LYZL6: variants seen among roughly 807,000 people sequenced by gnomAD.
LYZL6 encodes lysozyme-like protein 6.
LYZL6 carries 21 observed loss-of-function variants against 15.0 expected under a neutral mutation model. The ratio of observed to expected loss-of-function variants is 1.40; its 90% CI spans 1.00 to 2.02. The LOEUF (loss-of-function observed/expected upper bound fraction) is 2.02. LYZL6 is among the 30% of genes most tolerant of loss of function. LYZL6 has a pLI of 0.00. For missense variants in LYZL6, 173 were observed against 180.5 expected (o/e 0.96, Z 0.24); for synonymous variants, 72 against 67.8 (o/e 1.06, Z -0.31).
At position 35,934,848 on chromosome 17, in the gene LYZL6, T is replaced by C. The variant is rs2089356364; in HGVS notation, c.395A>G (p.His132Arg). 5 of 1,614,046 alleles carry C rather than the reference T, an allele frequency of 3.1e-6. No homozygotes were observed. Among genetic ancestry groups the C allele is most frequent in the African/African-American group, 2.7e-5 (2 of 74,930 alleles). ...GMNNWVEWRL[H>R]CSGRPLFYWL... ...GTAGAAGAGTGGCCGGCCTGAACAG[T>C]GCAACCTCCATTCTACCCTGCGGAG... The change falls in exon 5 of 5, where the codon CAC becomes CGC. Residue 132 changes from histidine to arginine, a missense_variant. His to Arg is a conservative substitution (Grantham distance 29). Coordinates refer to ENST00000615905, the MANE Select transcript of LYZL6 (RefSeq NM_020426.4).
chr17:35,938,122 C>A (rs923815278), intron 2 of LYZL6, among the ~76,000 whole-genome samples: 3 of 152,170 alleles, frequency 2.0e-5, no homozygotes, highest in Admixed American at 6.5e-5. Flanking sequence ...CTCATCTGTC[C>A]ATCTATTCAT....
At chr17:35,941,617 A>G (rs978114327) in intron 1 of LYZL6, among the ~76,000 whole-genome samples, 1 of 152,220 alleles carries the variant, frequency 6.6e-6, no homozygotes, top group Non-Finnish European at 1.5e-5. Flanking sequence ...TGACAGTAAC[A>G]GATTATACAT....
In LYZL6 at chr17:35,934,784, C is replaced by A. The variant is rs146771787; in HGVS notation, c.*12G>T. 1.6e-3 allele frequency: 2,513 copies of A among 1,613,020 alleles called. 52 individuals carry two copies. The African/African-American group carries it at 0.03, about 19-fold the overall frequency. ...GTCTTGGAATGACTCCACGGTGCAC[C>A]CGCACCCTGTTTCATCTCAGGCGGC... is the stretch of plus-strand genomic sequence containing the variant. On this transcript the variant is annotated 3_prime_UTR_variant, in exon 5 of 5. Transcript: ENST00000615905.
intron 1 of LYZL6, among the ~76,000 whole-genome samples, chr17:35,942,494 C>T (rs1444865792): frequency 1.3e-5 from 2 of 152,120 alleles, no homozygotes; most frequent in East Asian, 1.9e-4. Flanking sequence ...TGTTTCTTCT[C>T]TGGTCTTGTT....
intron 3 of LYZL6, among the ~76,000 whole-genome samples, chr17:35,937,466 T>C (rs1290401909): frequency 6.6e-6 from 1 of 152,256 alleles, no homozygotes; most frequent in Non-Finnish European, 1.5e-5. Flanking sequence ...AAGCCAAGTA[T>C]GTAAAGCACT....
intron 2 of LYZL6, among the ~76,000 whole-genome samples, chr17:35,938,614 T>C (rs1286755585): frequency 7.3e-6 from 1 of 137,504 alleles, no homozygotes; most frequent in Non-Finnish European, 1.6e-5. Context: ...CGAGACTCTG[T>C]CTAAAAAAAA....
rs1173525222 is a variant in LYZL6, at chr17:35,939,324, G to T, written c.33C>A (p.Ser11Arg). Residue 11 changes from serine to arginine, a missense_variant, in exon 2 of 5, where the codon AGC becomes AGA. Ser to Arg is a moderately radical substitution (Grantham distance 110). Transcript: ENST00000615905. ...TGGCCTGATTTAGGGCAAGAAAGCT[G>T]CTGACCAAATAGATGAGTAGCGCCT... is the stretch of plus-strand genomic sequence containing the variant. Reference protein sequence around the residue: MTKALLIYLVSSFLALNQASL... With the variant: MTKALLIYLVRSFLALNQASL... 6.2e-7 allele frequency: 1 copy of T among 1,614,026 alleles called. No homozygotes were observed. Among genetic ancestry groups the T allele is most frequent in the Non-Finnish European group, 8.5e-7 (1 of 1,180,010 alleles).
intron 1 of LYZL6, among the ~76,000 whole-genome samples, chr17:35,943,338 C>T (rs1418913324): frequency 6.6e-6 from 1 of 152,150 alleles, no homozygotes; most frequent in Non-Finnish European, 1.5e-5. Context: ...ATCATTCTAC[C>T]CCCAGAGCTG....
chr17:35,939,016 C>T (rs2089401852), intron 2 of LYZL6, among the ~76,000 whole-genome samples: 1 of 152,200 alleles, frequency 6.6e-6, no homozygotes, highest in Admixed American at 6.5e-5. Context: ...ATCTCTACAG[C>T]CCCAGTGCCT....
At position 35,939,396 on chromosome 17, in the gene LYZL6, T is replaced by C. The variant is rs757490520; in HGVS notation, c.-40A>G. The C allele has an allele frequency of 3.1e-6, 5 of 1,599,628 alleles. No homozygotes were observed. The highest frequency in any genetic ancestry group is 2.7e-5 in the African/African-American group (2 of 74,814). On this transcript the variant is annotated 5_prime_UTR_variant, in exon 2 of 5. Transcript: ENST00000615905. ...AGGTGCAGCTGAGGGCTGATGGTTC[T>C]TAGGGTCTTGCAGACTTTCTGCTGA...
intron 4 of LYZL6, 60 bp from the exon 5 acceptor site, chr17:35,934,925 C>G: frequency 6.5e-7 from 1 of 1,545,126 alleles, no homozygotes; most frequent in Non-Finnish European, 8.9e-7. Context: ...ACACACATGA[C>G]CCAGTTCTTG....
chr17:35,940,963 CCTA>C (rs1279611607), intron 1 of LYZL6, among the ~76,000 whole-genome samples: 1 of 152,168 alleles, frequency 6.6e-6, no homozygotes, highest in Non-Finnish European at 1.5e-5. Flanking sequence ...CATGAATAAT[CCTA>C]CTATGAACAT....
In LYZL6 at chr17:35,934,808, G is replaced by A. The variant is rs2089355562; in HGVS notation, c.435C>T (p.Cys145=). 3 of 1,613,990 alleles carry A rather than the reference G, an allele frequency of 1.9e-6. No individual in the cohort carries two copies. Among genetic ancestry groups the A allele is most frequent in the Non-Finnish European group, 8.5e-7 (1 of 1,180,000 alleles). The change falls in exon 5 of 5, where the codon TGC becomes TGT. Residue 145 remains cysteine (C), a synonymous_variant. Transcript: ENST00000615905. ...CCCGCACCCTGTTTCATCTCAGGCG[G>A]CATCCTGTCAGCCAGTAGAAGAGTG... The part of the protein sequence containing the change: ...GRPLFYWLTG[C]RLR
Position 35,937,814 on chromosome 17 carries a change from T to A in LYZL6, c.242A>T (p.Tyr81Phe). Residue 81 changes from tyrosine to phenylalanine, a missense_variant, in exon 3 of 5, where the codon TAC becomes TTC. Coordinates refer to ENST00000615905, the MANE Select transcript of LYZL6 (RefSeq NM_020426.4). Reference protein sequence around the residue: ...DYGLFQINSHYWCNDYKSYSE... With the variant: ...DYGLFQINSHFWCNDYKSYSE... ...GTAACTCTTATAATCGTTGCACCAG[T>A]AGTGGCTGTTGATCTGGAAGAGGCC... 6.2e-7 allele frequency: 1 copy of A among 1,614,194 alleles called. No homozygotes were observed. Among genetic ancestry groups the A allele is most frequent in the Non-Finnish European group, 8.5e-7 (1 of 1,180,050 alleles).
intron 1 of LYZL6, among the ~76,000 whole-genome samples, chr17:35,940,384 T>C (rs1474355176): frequency 6.6e-6 from 1 of 152,190 alleles, no homozygotes; most frequent in Non-Finnish European, 1.5e-5. Flanking sequence ...CTGGATTATC[T>C]TGCTGTACAA....
intron 1 of LYZL6, among the ~76,000 whole-genome samples, chr17:35,942,872 A>G (rs981606001): frequency 2.6e-5 from 4 of 152,236 alleles, no homozygotes; most frequent in African/African-American, 9.6e-5. Flanking sequence ...GTGTGGGAAT[A>G]GACACAGAAA....
chr17:35,935,962 C>T (rs917151552), intron 4 of LYZL6, among the ~76,000 whole-genome samples: 15 of 151,996 alleles, frequency 9.9e-5, no homozygotes, highest in Non-Finnish European at 1.5e-4. Flanking sequence ...TACAGGCAGG[C>T]GCCACCATGA....
At chr17:35,940,761 C>T (rs778487259) in intron 1 of LYZL6, among the ~76,000 whole-genome samples, 2 of 152,188 alleles carry the variant, frequency 1.3e-5, no homozygotes, top group Non-Finnish European at 2.9e-5. Flanking sequence ...CACGGAGTTA[C>T]AGAAAATATG....
rs760445395 is a variant in LYZL6 at position 35,937,755 on chromosome 17, G to C, written c.298+3C>G. ...CTCTCCCACCCTGGGGCCCTGGCCA[G>C]ACCTTGACAGTCTACGTGGCAAAGG... is the stretch of plus-strand genomic sequence containing the variant. On this transcript the variant is annotated splice_donor_region_variant and intron_variant, in intron 3 of 4. Transcript: ENST00000615905. The C allele has an allele frequency of 6.2e-7, 1 of 1,613,980 alleles. No individual in the cohort carries two copies. The highest frequency in any genetic ancestry group is 8.5e-7 in the Non-Finnish European group (1 of 1,179,898).
Sources: allele counts gnomAD v4.1 joint callset (sites outside exome capture counted in the v4.1 genomes callset), GRCh38; gene constraint gnomAD v4.1.1; transcripts MANE v1.5; gene names NCBI Gene and HGNC (gene_info 2026-07-23, HGNC 2026-07-21).